Variants in ZNF440 observed in about 807,000 individuals in gnomAD.
The protein encoded by ZNF440 is zinc finger protein 440.
ZNF440 carries 47 observed loss-of-function variants against 49.7 expected under a neutral mutation model. That is an observed-to-expected ratio of 0.95 (90% CI 0.75 to 1.21). The LOEUF is 1.21. Among genes scored for constraint, ZNF440 ranks in the 50% most tolerant of loss-of-function variants. The probability of loss-of-function intolerance (pLI) is 0.00; values close to 1 mark genes in which losing one functional copy is unlikely to be tolerated. For synonymous variants in ZNF440, 255 were observed against 237.7 expected (o/e 1.07, Z -0.67); for missense variants, 703 against 715.0 (o/e 0.98, Z 0.19).
chr19:11,820,309 C>T (rs182669006), intron 1 of ZNF440, among the ~76,000 whole-genome samples: 15 of 152,208 alleles, frequency 9.9e-5, no homozygotes, highest in East Asian at 9.7e-4. Flanking sequence ...CTCCGCTTCC[C>T]GGGTTCATGC....
intron 1 of ZNF440, among the ~76,000 whole-genome samples, chr19:11,822,983 T>C (rs948927672): frequency 6.6e-6 from 1 of 152,184 alleles, no homozygotes; most frequent in African/African-American, 2.4e-5. Flanking sequence ...ATTGCCTGTC[T>C]ATCTTAGTCA....
intron 1 of ZNF440, among the ~76,000 whole-genome samples, chr19:11,820,279 C>T (rs973412268): frequency 2.6e-5 from 4 of 152,066 alleles, no homozygotes; most frequent in East Asian, 1.9e-4. Context: ...TGCAGTGGCG[C>T]GATCTCGGCT....
chr19:11,819,291 C>T (rs1975770257), intron 1 of ZNF440, among the ~76,000 whole-genome samples: 1 of 152,102 alleles, frequency 6.6e-6, no homozygotes. Context: ...AAGGAGGGTT[C>T]CAACTGGCTA....
At chr19:11,829,027 T>C (rs1975901129) in intron 1 of ZNF440, among the ~76,000 whole-genome samples, 1 of 152,166 alleles carries the variant, frequency 6.6e-6, no homozygotes, top group South Asian at 2.1e-4. Context: ...ATTTTATGTA[T>C]ATGCTTACCA....
At chr19:11,824,367 A>G (rs750553125) in intron 1 of ZNF440, among the ~76,000 whole-genome samples, 1 of 152,210 alleles carries the variant, frequency 6.6e-6, no homozygotes, top group South Asian at 2.1e-4. Flanking sequence ...CACAAAATAC[A>G]TAAAAGAATT....
intron 1 of ZNF440, among the ~76,000 whole-genome samples, chr19:11,822,134 T>A (rs1278061409): frequency 6.6e-6 from 1 of 152,210 alleles, no homozygotes; most frequent in African/African-American, 2.4e-5. Flanking sequence ...AGAGGTGGTC[T>A]GTACCATCCA....
At chr19:11,820,526 A>G (rs1229309900) in intron 1 of ZNF440, among the ~76,000 whole-genome samples, 18 of 151,750 alleles carry the variant, frequency 1.2e-4, no homozygotes, top group Admixed American at 1.2e-3. Flanking sequence ...CCGGCCCTAC[A>G]CCCTCCTGTC....
In ZNF440 at chr19:11,831,686, A is replaced by G; in HGVS notation, c.510A>G (p.Lys170=). 1 of 1,614,108 alleles carries G rather than the reference A, an allele frequency of 6.2e-7. No individual in the cohort carries two copies. Among genetic ancestry groups the G allele is most frequent in the Non-Finnish European group, 8.5e-7 (1 of 1,180,012 alleles). ...AAGAAAGGGATCACACTGGAGAGAAACCCAATGCTTGTAAAGTATGTGGAA... is the reference window on the plus strand; with the variant it reads ...AAGAAAGGGATCACACTGGAGAGAAGCCCAATGCTTGTAAAGTATGTGGAA... The part of the protein sequence containing the change: ...RTQERDHTGE[K]PNACKVCGKT... The change falls in exon 4 of 4, where the codon AAA becomes AAG. Residue 170 remains lysine, a synonymous_variant. Coordinates refer to ENST00000304060, the MANE Select transcript of ZNF440 (RefSeq NM_152357.3).
At chr19:11,815,284 T>TCACTCACACACACACACA (rs770849579) in intron 1 of ZNF440, among the ~76,000 whole-genome samples, 17 of 121,128 alleles carry the variant, frequency 1.4e-4, no homozygotes, top group African/African-American at 5.4e-4. Flanking sequence ...GGCAACTCCG[T>TCACTCACACACACACACA]CACACACACA....
At chr19:11,828,687 C>CTT (rs201282862) in intron 1 of ZNF440, among the ~76,000 whole-genome samples, 2 of 138,588 alleles carry the variant, frequency 1.4e-5, no homozygotes, top group Non-Finnish European at 3.2e-5. Flanking sequence ...TTTTCTTTTT[C>CTT]TTTTTTTTTT....
At position 11,832,623 on chromosome 19, in the gene ZNF440, G is replaced by A. The variant is rs1430999032; in HGVS notation, c.1447G>A (p.Glu483Lys). ...FQRHEKTHTGEKLYECKQRSV... is the reference protein window; with the variant it reads ...FQRHEKTHTGKKLYECKQRSV... Reference sequence around the variant, plus strand: ...AAGACATGAAAAAACTCACACTGGAGAGAAACTCTATGAATGCAAGCAACG... The same window carrying A: ...AAGACATGAAAAAACTCACACTGGAAAGAAACTCTATGAATGCAAGCAACG... Residue 483 changes from glutamate (E) to lysine (K), a missense_variant, in exon 4 of 4, where the codon GAG (glutamate) becomes AAG (lysine). Transcript: ENST00000304060. The A allele has an allele frequency of 6.2e-7, 1 of 1,613,802 alleles. No homozygotes were observed. The highest frequency in any genetic ancestry group is 8.5e-7 in the Non-Finnish European group (1 of 1,179,902).
chr19:11,831,583 A>T lies in ZNF440; in HGVS notation c.407A>T (p.Tyr136Phe), dbSNP rs1975939215. 1 of 1,614,198 alleles carries T rather than the reference A, an allele frequency of 6.2e-7. No homozygotes were observed. The highest frequency in any genetic ancestry group is 8.5e-7 in the Non-Finnish European group (1 of 1,180,024). Reference protein sequence around the residue: ...RGDIGHKAYEYQEYGPKPCKC... With the variant: ...RGDIGHKAYEFQEYGPKPCKC... ...GACATTGGACACAAGGCATATGAGT[A>T]TCAGGAATATGGACCAAAGCCATGT... The change falls in exon 4 of 4, where the codon TAT becomes TTT. Residue 136 changes from tyrosine to phenylalanine, a missense_variant. Physicochemically the swap from Tyr to Phe is conservative, Grantham distance 22. Coordinates refer to ENST00000304060, the MANE Select transcript of ZNF440 (RefSeq NM_152357.3).
At chr19:11,830,260 T>A (rs781171554) in intron 1 of ZNF440, 23 bp from the exon 2 acceptor site, 20 of 1,613,798 alleles carry the variant, frequency 1.2e-5, no homozygotes, top group South Asian at 6.6e-5. Flanking sequence ...CCCATCTTCT[T>A]CTACACATGT....
Position 11,832,602 on chromosome 19 carries a change from C to T in ZNF440, c.1426C>T (p.His476Tyr). The T allele has an allele frequency of 6.2e-7, 1 of 1,613,308 alleles. No individual in the cohort carries two copies. Among genetic ancestry groups the T allele is most frequent in the Non-Finnish European group, 8.5e-7 (1 of 1,179,806 alleles). Reference protein sequence around the residue: ...GFYCPKSFQRHEKTHTGEKLY... With the variant: ...GFYCPKSFQRYEKTHTGEKLY... ...TTATTGTCCCAAATCATTTCAAAGA[C>T]ATGAAAAAACTCACACTGGAGAGAA... The change falls in exon 4 of 4, where the codon CAT becomes TAT. Residue 476 changes from histidine to tyrosine, a missense_variant. Coordinates refer to ENST00000304060, the MANE Select transcript of ZNF440 (RefSeq NM_152357.3).
In ZNF440 at chr19:11,833,778, T is replaced by A; in HGVS notation, c.*814T>A. 1.2e-6 allele frequency: 1 copy of A among 842,736 alleles called. No homozygotes were observed. The highest frequency in any genetic ancestry group is 1.9e-5 in the South Asian group (1 of 53,670). 52.2% of individuals were successfully genotyped at this position (842,736 alleles called of 1,614,324 possible). ...ATGTGGGAAAGCCTTCAGATCAGCCTCGCACCTTCAAATGCATGGAAGGAC... is the reference window on the plus strand; with the variant it reads ...ATGTGGGAAAGCCTTCAGATCAGCCACGCACCTTCAAATGCATGGAAGGAC... On this transcript the variant is annotated 3_prime_UTR_variant, in exon 4 of 4. Transcript: ENST00000304060.
Position 11,831,711 on chromosome 19 carries a change from A to T in ZNF440, c.535A>T (p.Lys179Ter), listed in dbSNP as rs1975942723. ...ACCCAATGCTTGTAAAGTATGTGGAAAAACCTTTATTTCCCATTCAAGTGT... is the reference window on the plus strand; with the variant it reads ...ACCCAATGCTTGTAAAGTATGTGGATAAACCTTTATTTCCCATTCAAGTGT... The part of the protein sequence containing the change: ...EKPNACKVCG[K>*]TFISHSSVRR... Residue 179 changes from lysine (K) to a stop codon, truncating the protein, a stop_gained, in exon 4 of 4, where the codon AAA (lysine) becomes TAA (stop). Coordinates refer to ENST00000304060, the MANE Select transcript of ZNF440 (RefSeq NM_152357.3). LOFTEE classifies it high-confidence loss of function. 10 of 1,614,026 alleles carry T rather than the reference A, an allele frequency of 6.2e-6. No individual in the cohort carries two copies. In the East Asian group the frequency reaches 2.2e-4, roughly 36 times the overall value.
intron 1 of ZNF440, among the ~76,000 whole-genome samples, chr19:11,822,031 T>C (rs945906835): frequency 1.3e-5 from 2 of 152,184 alleles, no homozygotes; most frequent in South Asian, 2.1e-4. Flanking sequence ...TCTTGGGGTC[T>C]AGGGAATTGA....
chr19:11,833,968 G>A lies in ZNF440; in HGVS notation c.*1004G>A, dbSNP rs2056885774. The A allele has an allele frequency of 3.5e-6, 1 of 284,390 alleles. No individual in the cohort carries two copies. Among genetic ancestry groups the A allele is most frequent in the Admixed American group, 5.0e-5 (1 of 19,974 alleles). The allele number at this position is 284,390 out of a possible 1,614,324, so 17.6% of individuals were successfully genotyped here. A position where few individuals can be genotyped will look rare whatever the true frequency, so the allele number is the denominator to read the frequency against. On this transcript the variant is annotated 3_prime_UTR_variant, in exon 4 of 4. Transcript: ENST00000304060. ...AATAAGAAGCTATAATATCCCATTG[G>A]TGTCATGTATTAGATCAGCCTTATA...
chr19:11,829,209 G>GGAC (rs1339401094), intron 1 of ZNF440, among the ~76,000 whole-genome samples: 1 of 151,834 alleles, frequency 6.6e-6, no homozygotes, highest in Admixed American at 6.6e-5. Flanking sequence ...TTTTGCTTAG[G>GGAC]AATGTCCCCT....
Sources: allele counts gnomAD v4.1 joint callset (sites outside exome capture counted in the v4.1 genomes callset), GRCh38; gene constraint gnomAD v4.1.1; transcripts MANE v1.5; gene names NCBI Gene and HGNC (gene_info 2026-07-23, HGNC 2026-07-21).